Variants in RAD51B observed in about 807,000 individuals in gnomAD.
The protein encoded by RAD51B is RAD51 paralog B.
RAD51B carries 38 observed loss-of-function variants against 42.2 expected under a neutral mutation model. The observed-to-expected ratio is 0.90, with a 90% CI of 0.70 to 1.18. The LOEUF (loss-of-function observed/expected upper bound fraction) is 1.18, where lower values mean the gene tolerates loss of function less well. Among genes scored for constraint, RAD51B ranks in the 50% most tolerant of loss-of-function variants. The pLI is 0.00. For synonymous variants in RAD51B, 154 were observed against 145.2 expected (o/e 1.06, Z -0.43); for missense variants, 373 against 400.7 (o/e 0.93, Z 0.59).
chr14:68,550,877 T>C (rs1480968211), intron 10 of RAD51B, among the ~76,000 whole-genome samples: 2 of 152,066 alleles, frequency 1.3e-5, no homozygotes, highest in Non-Finnish European at 2.9e-5. Context: ...CTTCCAAAAA[T>C]TTAAAAAATA....
At chr14:67,996,747 T>C (rs1262051861) in intron 7 of RAD51B, among the ~76,000 whole-genome samples, 1 of 152,188 alleles carries the variant, frequency 6.6e-6, no homozygotes, top group African/African-American at 2.4e-5. Flanking sequence ...ACCTAATTTA[T>C]ATTTTTAAGA....
At chr14:67,834,988 T>A in intron 3 of RAD51B, 92 bp from the exon 4 acceptor site, 2 of 961,018 alleles carry the variant, frequency 2.1e-6, no homozygotes, top group East Asian at 2.5e-5. Context: ...TGGATTAGGG[T>A]TAAAATTGCT....
At chr14:68,046,958 C>CTTTTTT in intron 7 of RAD51B, among the ~76,000 whole-genome samples, 1 of 148,906 alleles carries the variant, frequency 6.7e-6, no homozygotes. Context: ...TTGTTTTTTG[C>CTTTTTT]TTTTTGTTTT....
chr14:67,893,490 ACACACACACACACACACAC>A (rs1384231860), intron 7 of RAD51B, among the ~76,000 whole-genome samples: 10 of 76,478 alleles, frequency 1.3e-4, no homozygotes, highest in African/African-American at 7.0e-4. Context: ...ACACACACAC[ACACACACACACACACACAC>A]AAAAAAAAAC....
chr14:68,670,112 G>A (rs1350121286), intron 11 of RAD51B, among the ~76,000 whole-genome samples: 1 of 152,178 alleles, frequency 6.6e-6, no homozygotes, highest in Non-Finnish European at 1.5e-5. Flanking sequence ...ACTTTATTGA[G>A]GGCTCTTGCT....
At chr14:68,021,199 A>G (rs2075858733) in intron 7 of RAD51B, among the ~76,000 whole-genome samples, 1 of 152,182 alleles carries the variant, frequency 6.6e-6, no homozygotes, top group Non-Finnish European at 1.5e-5. Context: ...CATCTAAAAG[A>G]ATGTCCCAAC....
chr14:68,086,321 C>T (rs1395373720), intron 7 of RAD51B, among the ~76,000 whole-genome samples: 4 of 152,112 alleles, frequency 2.6e-5, no homozygotes, highest in Admixed American at 6.5e-5. Context: ...CCCGTGTGTT[C>T]CTCGGCTCGT....
intron 9 of RAD51B, among the ~76,000 whole-genome samples, chr14:68,430,673 A>G (rs527664502): frequency 6.6e-6 from 1 of 152,328 alleles, no homozygotes; most frequent in African/African-American, 2.4e-5. Flanking sequence ...TTTTCTACAT[A>G]TACAATCATA....
At chr14:68,338,887 C>T in intron 8 of RAD51B, 3 of 642,038 alleles carry the variant, frequency 4.7e-6, no homozygotes, top group Non-Finnish European at 5.9e-6. Context: ...TTAGCCAAAG[C>T]TCCTTTGTCT....
chr14:67,973,853 C>G (rs1274914697), intron 7 of RAD51B, among the ~76,000 whole-genome samples: 1 of 152,046 alleles, frequency 6.6e-6, no homozygotes, highest in Non-Finnish European at 1.5e-5. Flanking sequence ...AAGCAAGCAT[C>G]CAATGTTTAT....
At chr14:67,917,909 A>G (rs1010591322) in intron 7 of RAD51B, among the ~76,000 whole-genome samples, 4 of 152,232 alleles carry the variant, frequency 2.6e-5, no homozygotes, top group African/African-American at 9.6e-5. Flanking sequence ...ATGATTAAAT[A>G]TGGTGAATGT....
intron 10 of RAD51B, among the ~76,000 whole-genome samples, chr14:68,474,169 T>G (rs1428122816): frequency 6.6e-6 from 1 of 152,222 alleles, no homozygotes; most frequent in Non-Finnish European, 1.5e-5. Context: ...TTCTTGATGT[T>G]TAGGTATGAG....
At chr14:68,394,554 A>G (rs1193072611) in intron 8 of RAD51B, among the ~76,000 whole-genome samples, 1 of 152,266 alleles carries the variant, frequency 6.6e-6, no homozygotes. Flanking sequence ...ATGAAATAAT[A>G]TAAGGTTTCC....
chr14:68,577,511 A>G lies in RAD51B; in HGVS notation c.1037-16974A>G, dbSNP rs144711559. On this transcript the variant is annotated intron_variant, in intron 10 of 10. Coordinates refer to the RAD51B transcript ENST00000487270. Reference sequence around the variant, plus strand: ...TTATTCATCTGATTTTATGTAAAAAAAAAAAAAATGGAATCCTAGGCTGGT... The same window carrying G: ...TTATTCATCTGATTTTATGTAAAAAGAAAAAAAATGGAATCCTAGGCTGGT... Among the ~76,000 whole-genome samples the G allele has an allele frequency of 4.3e-3, 648 of 152,174 alleles. 6 individuals are homozygous for G. Among genetic ancestry groups the G allele is most frequent in the Middle Eastern group, 6.8e-3 (2 of 294 alleles).
chr14:68,617,772 C>T (rs565658842), intron 10 of RAD51B, among the ~76,000 whole-genome samples: 9 of 152,308 alleles, frequency 5.9e-5, no homozygotes, highest in African/African-American at 1.4e-4. Flanking sequence ...TGTACAATAT[C>T]TGAAGCCGTC....
At chr14:68,558,623 A>G (rs1423790692) in intron 10 of RAD51B, among the ~76,000 whole-genome samples, 1 of 151,910 alleles carries the variant, frequency 6.6e-6, no homozygotes, top group East Asian at 1.9e-4. Context: ...GCCCTTCCCT[A>G]TGCATCTGTG....
chr14:68,509,388 T>C (rs1885565012), intron 10 of RAD51B, among the ~76,000 whole-genome samples: 1 of 152,248 alleles, frequency 6.6e-6, no homozygotes, highest in Admixed American at 6.5e-5. Context: ...GCTGTGCTGT[T>C]CCCTGAGTGA....
intron 10 of RAD51B, among the ~76,000 whole-genome samples, chr14:68,470,200 A>G (rs918115268): frequency 6.6e-6 from 1 of 152,214 alleles, no homozygotes; most frequent in African/African-American, 2.4e-5. Context: ...CAACCAGTAA[A>G]TAAAATGCTT....
chr14:67,871,963 A>G (rs2042549839), intron 5 of RAD51B, among the ~76,000 whole-genome samples: 1 of 148,816 alleles, frequency 6.7e-6, no homozygotes, highest in Non-Finnish European at 1.5e-5. Flanking sequence ...TATCTATGAC[A>G]AACCCACAGC....
Sources: allele counts gnomAD v4.1 joint callset (sites outside exome capture counted in the v4.1 genomes callset), GRCh38; gene constraint gnomAD v4.1.1; transcripts MANE v1.5; gene names NCBI Gene and HGNC (gene_info 2026-07-23, HGNC 2026-07-21).